The following KDM5A variants were observed in gnomAD, a reference collection of about 807,000 sequenced individuals.
KDM5A encodes the protein lysine-specific demethylase 5A.
Under a neutral mutation model 193.5 loss-of-function variants are expected in KDM5A, and 42 were observed. The observed-to-expected ratio is 0.22, with a 90% CI of 0.17 to 0.28. KDM5A has a LOEUF of 0.28. Ranked by LOEUF, KDM5A falls within the 10% of genes least tolerant of loss-of-function variation. The pLI is 1.00. For missense variants in KDM5A, 1,692 were observed against 2,055.1 expected (o/e 0.82, Z 3.42); for synonymous variants, 796 against 718.1 (o/e 1.11, Z -1.73).
chr12:336,512 T>C (rs1353213420), intron 10 of KDM5A, among the ~76,000 whole-genome samples: 1 of 152,132 alleles, frequency 6.6e-6, no homozygotes, highest in Non-Finnish European at 1.5e-5. Flanking sequence ...TATTACTCAA[T>C]ATGTTTTGTG....
At position 306,992 on chromosome 12, in the gene KDM5A, G is replaced by A. The variant is rs746584754; in HGVS notation, c.4028C>T (p.Thr1343Ile). The change falls in exon 24 of 28, where the codon ACA becomes ATA. Residue 1343 changes from threonine to isoleucine, a missense_variant. Physicochemically the swap from Thr to Ile is moderately conservative, Grantham distance 89 (BLOSUM62 -1). Coordinates refer to ENST00000399788, the MANE Select transcript of KDM5A (RefSeq NM_001042603.3). ...RQTMDYDDEE[T>I]DSDEDIRETY... ...CTCTCGAATGTCTTCATCAGAGTCT[G>A]TTTCTTCATCATCATAGTCCATTGT... 2.5e-6 allele frequency: 4 copies of A among 1,613,726 alleles called. No homozygotes were observed. In the East Asian group the frequency reaches 8.9e-5, roughly 36 times the overall value.
At chr12:316,422 A>G (rs1160767960) in intron 19 of KDM5A, among the ~76,000 whole-genome samples, 1 of 152,214 alleles carries the variant, frequency 6.6e-6, no homozygotes, top group Admixed American at 6.5e-5. Context: ...CCAAACTCAA[A>G]TATCAAGGTA....
chr12:386,332 T>C (rs117362560), intron 1 of KDM5A, among the ~76,000 whole-genome samples: 7 of 152,334 alleles, frequency 4.6e-5, no homozygotes, highest in African/African-American at 1.4e-4. Flanking sequence ...TATGCAATAT[T>C]TTTAATAATC....
intron 11 of KDM5A, among the ~76,000 whole-genome samples, 180 bp from the exon 12 acceptor site, chr12:333,829 T>C (rs1219776891): frequency 2.0e-5 from 3 of 152,162 alleles, no homozygotes; most frequent in African/African-American, 7.2e-5. Flanking sequence ...GGTAAGTAAA[T>C]AGTAGTATGT....
chr12:364,215 T>C (rs1056531877), intron 4 of KDM5A, among the ~76,000 whole-genome samples: 11 of 152,324 alleles, frequency 7.2e-5, no homozygotes, highest in African/African-American at 2.6e-4. Flanking sequence ...CTCACGCCTA[T>C]AATCTCAGCA....
chr12:310,500 G>A lies in KDM5A; in HGVS notation c.3216+385C>T, dbSNP rs1943570289. Reference sequence around the variant, plus strand: ...ATACAAAAAATTAGCCAGGCATGGTGTAGCATGCCTGTAGTCCCAGACACT... The same window carrying A: ...ATACAAAAAATTAGCCAGGCATGGTATAGCATGCCTGTAGTCCCAGACACT... On this transcript the variant is annotated intron_variant, in intron 21 of 27. Coordinates refer to ENST00000399788, the MANE Select transcript of KDM5A (RefSeq NM_001042603.3). 2.0e-5 allele frequency among the ~76,000 whole-genome samples: 3 copies of A among 152,272 alleles called. No individual in the cohort carries two copies. In the South Asian group the frequency reaches 6.2e-4, roughly 32 times the overall value.
Position 363,049 on chromosome 12 carries a change from C to T in KDM5A, c.586G>A (p.Val196Ile). The change falls in exon 5 of 28, where the codon GTT (valine) becomes ATT (isoleucine). Residue 196 changes from valine to isoleucine, a missense_variant. By Grantham distance (29) the Val-to-Ile change is conservative. Around this residue, in one of 11 missense-constraint regions of KDM5A, gnomAD observed 134 missense variants for 124.2 expected, o/e 1.08. Transcript: ENST00000399788. ...LDLKEKVEPEVLSTDTQTSPE... is the reference protein window; with the variant it reads ...LDLKEKVEPEILSTDTQTSPE... ...GAAGTTTGGGTATCAGTGCTGAGAA[C>T]CTCAGGCTCCACTTTTTCTTTAAGA... The T allele has an allele frequency of 6.2e-7, 1 of 1,613,996 alleles. No homozygotes were observed. The highest frequency in any genetic ancestry group is 2.2e-5 in the East Asian group (1 of 44,890).
intron 25 of KDM5A, 128 bp downstream of exon 25, chr12:296,913 G>T: frequency 1.1e-6 from 1 of 939,404 alleles, no homozygotes; most frequent in Non-Finnish European, 1.6e-6. Flanking sequence ...GCATTTTCAG[G>T]TTCCATTAGT....
intron 24 of KDM5A, among the ~76,000 whole-genome samples, chr12:303,325 C>T (rs926928601): frequency 1.3e-5 from 2 of 152,060 alleles, no homozygotes; most frequent in Admixed American, 6.6e-5. Flanking sequence ...TGGAATACTA[C>T]GTAGCCATAA....
At chr12:299,000 GAAA>G (rs930461132) in intron 24 of KDM5A, among the ~76,000 whole-genome samples, 53 of 151,872 alleles carry the variant, frequency 3.5e-4, no homozygotes, top group African/African-American at 1.2e-3. Flanking sequence ...AAGATTAGAG[GAAA>G]AAGAGTGAAA....
At chr12:354,799 T>C (rs1241847830) in intron 7 of KDM5A, among the ~76,000 whole-genome samples, 1 of 152,232 alleles carries the variant, frequency 6.6e-6, no homozygotes, top group South Asian at 2.1e-4. Flanking sequence ...TCTAGGGCAT[T>C]TGAAAATCAA....
chr12:372,555 C>T (rs1023907436), intron 3 of KDM5A, among the ~76,000 whole-genome samples: 1 of 152,160 alleles, frequency 6.6e-6, no homozygotes, highest in Admixed American at 6.5e-5. Flanking sequence ...AACTTGACTT[C>T]CTCTTTTCCT....
intron 15 of KDM5A, 30 bp from the exon 16 acceptor site, chr12:323,236 A>AAAAAAAAAAAAAAAAAAAAAACAC: frequency 6.7e-7 from 1 of 1,500,446 alleles, no homozygotes; most frequent in South Asian, 1.3e-5. Flanking sequence ...AAAAAAAAAA[A>AAAAAAAAAAAAAAAAAAAAAACAC]AAAGAAAACA....
intron 8 of KDM5A, among the ~76,000 whole-genome samples, chr12:353,745 A>G (rs1374004532): frequency 6.6e-6 from 1 of 151,998 alleles, no homozygotes; most frequent in African/African-American, 2.4e-5. Flanking sequence ...ACATGGTGAA[A>G]CCATGGTCTC....
At chr12:324,333 A>G (rs1943757715) in intron 14 of KDM5A, among the ~76,000 whole-genome samples, 2 of 152,110 alleles carry the variant, frequency 1.3e-5, no homozygotes, top group South Asian at 4.1e-4. Context: ...AAAAGTCAAG[A>G]CAGTTTTTTG....
At chr12:346,689 A>C (rs1378285171) in intron 10 of KDM5A, among the ~76,000 whole-genome samples, 2 of 152,240 alleles carry the variant, frequency 1.3e-5, no homozygotes, top group Non-Finnish European at 2.9e-5. Flanking sequence ...CAATAGATGC[A>C]GAAAAGGCCT....
intron 3 of KDM5A, among the ~76,000 whole-genome samples, chr12:372,241 T>C (rs1031910132): frequency 2.4e-4 from 37 of 152,366 alleles, no homozygotes; most frequent in African/African-American, 8.2e-4. Context: ...GCATGGAATA[T>C]TCTTCCATTT....
chr12:318,528 G>T, intron 18 of KDM5A, 67 bp from the exon 19 acceptor site: 1 of 1,226,574 alleles, frequency 8.2e-7, no homozygotes, highest in Non-Finnish European at 1.2e-6. Flanking sequence ...GTATGAAATA[G>T]ACATAGTCAA....
At chr12:345,599 G>A (rs765828435) in intron 10 of KDM5A, among the ~76,000 whole-genome samples, 1 of 152,142 alleles carries the variant, frequency 6.6e-6, no homozygotes, top group Admixed American at 6.6e-5. Flanking sequence ...TTAGAACTCA[G>A]GATTAAGAAA....
Sources: allele counts gnomAD v4.1 joint callset (sites outside exome capture counted in the v4.1 genomes callset), GRCh38; gene constraint gnomAD v4.1.1; regional missense constraint gnomAD v4.1.1; transcripts MANE v1.5; gene names NCBI Gene and HGNC (gene_info 2026-07-23, HGNC 2026-07-21).